MACF1: variants seen among roughly 807,000 people sequenced by gnomAD.
MACF1 encodes microtubule-actin cross-linking factor 1.
MACF1 carries 193 observed loss-of-function variants against 854.8 expected under a neutral mutation model. That is an observed-to-expected ratio of 0.23 (90% CI 0.20 to 0.25). The LOEUF is 0.25. MACF1 is among the 10% of genes least tolerant of loss of function. The pLI is 1.00. For synonymous variants in MACF1, 3,185 were observed against 3,226.7 expected (o/e 0.99, Z 0.44); for missense variants, 7,722 against 8,929.1 (o/e 0.86, Z 5.45).
intron 2 of MACF1, among the ~76,000 whole-genome samples, chr1:39,246,618 C>T (rs569778811): frequency 6.6e-6 from 1 of 151,878 alleles, no homozygotes; most frequent in Non-Finnish European, 1.5e-5. Flanking sequence ...AAGCGATTCT[C>T]CTGCCTCAGC....
At chr1:39,269,620 C>T (rs1187746885) in intron 6 of MACF1, 1 of 1,289,762 alleles carries the variant, frequency 7.8e-7, no homozygotes, top group Non-Finnish European at 1.0e-6. Flanking sequence ...GGGATCCAGC[C>T]TAAAGATACA....
Position 39,327,184 on chromosome 1 carries a change from T to C in MACF1, c.4479-34T>C, listed in dbSNP as rs551188531. 1,441 of 1,521,230 alleles carry C rather than the reference T, an allele frequency of 9.5e-4. 25 individuals are homozygous for C. In the South Asian group the frequency reaches 0.017, roughly 18 times the overall value. 94.2% of individuals were successfully genotyped at this position (1,521,230 alleles called of 1,614,324 possible). ...GCAGAGTTTGGAGATTGTTTTTTTT[T>C]CTCCTAAAAAAGCTTTAATGCTTCA... On this transcript the variant is annotated intron_variant, in intron 35 of 100. Coordinates refer to ENST00000564288, the MANE Select transcript of MACF1 (RefSeq NM_001394062.1).
chr1:39,280,491 C>A (rs182284694), intron 6 of MACF1, among the ~76,000 whole-genome samples: 28 of 147,324 alleles, frequency 1.9e-4, no homozygotes, highest in African/African-American at 7.0e-4. Context: ...GTGGTGCCAG[C>A]CCCCCTCAGG....
rs1644137946 is a variant in MACF1, at chr1:39,442,393, T to G, written c.18949-19T>G. The G allele has an allele frequency of 6.2e-7, 1 of 1,611,270 alleles. No individual in the cohort carries two copies. Among genetic ancestry groups the G allele is most frequent in the South Asian group, 1.1e-5 (1 of 90,706 alleles). On this transcript the variant is annotated intron_variant, in intron 76 of 100. Transcript: ENST00000564288. ...CTAATTTCGTATTGAATATTCCCTT[T>G]CTGTCTTTTCCTGAGTAGCACAAAC...
At position 39,084,278 on chromosome 1, in the gene MACF1, T is replaced by C. The variant is rs758161825; in HGVS notation, c.60T>C (p.Cys20=). ...GGTCATGTCGGAGTGAGCGGTCTTGTCGGAGTGAGCGATCTTACAGGAGCG... is the reference window on the plus strand; with the variant it reads ...GGTCATGTCGGAGTGAGCGGTCTTGCCGGAGTGAGCGATCTTACAGGAGCG... The change falls in exon 2 of 94, where the codon TGT becomes TGC. Residue 20 remains cysteine, a synonymous_variant. Coordinates refer to the MACF1 transcript ENST00000361689. This position sits in a 1 kb window ranked among gnomAD's most constrained non-coding sequence, Gnocchi z 5.2. 40 of 1,613,692 alleles carry C rather than the reference T, an allele frequency of 2.5e-5. No homozygotes were observed. Among genetic ancestry groups the C allele is most frequent in the Non-Finnish European group, 3.2e-5 (38 of 1,179,944 alleles).
intron 6 of MACF1, among the ~76,000 whole-genome samples, chr1:39,271,919 C>A (rs972719461): frequency 6.6e-6 from 1 of 152,176 alleles, no homozygotes; most frequent in Non-Finnish European, 1.5e-5. Flanking sequence ...ACCTTTGGAC[C>A]ATGATCTGTA....
intron 49 of MACF1, among the ~76,000 whole-genome samples, chr1:39,366,627 C>A (rs187832905): frequency 6.6e-6 from 1 of 151,346 alleles, no homozygotes; most frequent in East Asian, 1.9e-4. Flanking sequence ...TTATAGCCTG[C>A]TACCTTGTTT....
At chr1:39,287,222 T>C in intron 14 of MACF1, 64 bp from the exon 15 acceptor site, 1 of 1,503,634 alleles carries the variant, frequency 6.7e-7, no homozygotes, top group Non-Finnish European at 9.0e-7. Context: ...ATAAGGAAGA[T>C]TTTATTTTTA....
chr1:39,447,456 T>C lies in MACF1; in HGVS notation c.19630T>C (p.Leu6544=), dbSNP rs773893987. 1.9e-6 allele frequency: 3 copies of C among 1,614,116 alleles called. No homozygotes were observed. Among genetic ancestry groups the C allele is most frequent in the South Asian group, 2.2e-5 (2 of 91,068 alleles). The part of the protein sequence containing the change: ...RKSKLEEALN[L]ATEFQNSLQE... ...GTCAAAGCTGGAAGAGGCCCTCAAC[T>C]TGGCAACAGAATTCCAGAATTCCCT... Residue 6544 remains leucine, a synonymous_variant, in exon 81 of 101, where the codon TTG becomes CTG. Coordinates refer to ENST00000564288, the MANE Select transcript of MACF1 (RefSeq NM_001394062.1).
At chr1:39,411,724 C>G in intron 58 of MACF1, 1 of 1,613,862 alleles carries the variant, frequency 6.2e-7, no homozygotes, top group South Asian at 1.1e-5. Flanking sequence ...AGTTGAGCTA[C>G]AGAATCAAAT....
At chr1:39,243,497 G>T (rs1450968776) in intron 2 of MACF1, among the ~76,000 whole-genome samples, 1 of 152,120 alleles carries the variant, frequency 6.6e-6, no homozygotes, top group Non-Finnish European at 1.5e-5. Context: ...AGTCGGCTGG[G>T]CTCAAGCAAC....
At chr1:39,221,697 C>G in intron 1 of MACF1, among the ~76,000 whole-genome samples, 1 of 152,206 alleles carries the variant, frequency 6.6e-6, no homozygotes, top group Admixed American at 6.5e-5. Context: ...ATTGTTTCTA[C>G]CTCTACATTG....
At chr1:39,163,266 G>A (rs1307052050) in intron 2 of MACF1, among the ~76,000 whole-genome samples, 2 of 141,562 alleles carry the variant, frequency 1.4e-5, no homozygotes, top group South Asian at 4.5e-4. Flanking sequence ...CAGGAGAATC[G>A]CTTGAATCCA....
chr1:39,174,975 T>A (rs1039661299), intron 2 of MACF1, among the ~76,000 whole-genome samples: 1 of 152,238 alleles, frequency 6.6e-6, no homozygotes, highest in Admixed American at 6.5e-5. Flanking sequence ...GTCTCTGGGC[T>A]GTTTGTTTTA....
intron 97 of MACF1, among the ~76,000 whole-genome samples, chr1:39,471,167 C>T (rs1200033636): frequency 6.6e-6 from 1 of 152,150 alleles, no homozygotes; most frequent in Non-Finnish European, 1.5e-5. Context: ...TTTCGTAACT[C>T]TGTCAGTGAT....
At chr1:39,393,192 AAAAAATATATATAT>A (rs1357944092) in intron 58 of MACF1, among the ~76,000 whole-genome samples, 1 of 84,680 alleles carries the variant, frequency 1.2e-5, no homozygotes, top group Non-Finnish European at 2.3e-5. Context: ...AAAAAAAAAA[AAAAAATATATATAT>A]ATATATATAT....
Position 39,444,730 on chromosome 1 carries a change from G to A in MACF1, c.19500G>A (p.Met6500Ile). 5 of 1,614,182 alleles carry A rather than the reference G, an allele frequency of 3.1e-6. No individual in the cohort carries two copies. The highest frequency in any genetic ancestry group is 4.2e-6 in the Non-Finnish European group (5 of 1,180,020). Residue 6500 changes from methionine to isoleucine, a missense_variant, in exon 80 of 101, where the codon ATG becomes ATA. Around this residue, in one of 15 missense-constraint regions of MACF1, gnomAD observed 729 missense variants for 900.5 expected, o/e 0.81. Transcript: ENST00000564288. ...YNQLLDKGRL[M>I]LLSRDDSGSG... ...AACTACTTGACAAGGGCAGACTCAT[G>A]CTTCTAAGCCGTGACGACTCTGGGT...
chr1:39,247,101 TTCGCTC>T, intron 2 of MACF1, among the ~76,000 whole-genome samples: 1 of 139,772 alleles, frequency 7.2e-6, no homozygotes. Context: ...GAGACGGAGT[TTCGCTC>T]TGTTGCCCAG....
At chr1:39,461,534 A>G (rs965307729) in intron 92 of MACF1, among the ~76,000 whole-genome samples, 7 of 152,088 alleles carry the variant, frequency 4.6e-5, no homozygotes, top group Non-Finnish European at 1.0e-4. Flanking sequence ...CGCGCCTGTA[A>G]TCCCAGCACT....
Sources: allele counts gnomAD v4.1 joint callset (sites outside exome capture counted in the v4.1 genomes callset), GRCh38; gene constraint gnomAD v4.1.1; regional missense constraint gnomAD v4.1.1; non-coding constraint Gnocchi (gnomAD v3.1); transcripts MANE v1.5; gene names NCBI Gene and HGNC (gene_info 2026-07-23, HGNC 2026-07-21).